PIAS1: variants seen among roughly 807,000 people sequenced by gnomAD.
PIAS1 encodes protein inhibitor of activated STAT 1.
Under a neutral mutation model 71.3 loss-of-function variants are expected in PIAS1, and 6 were observed. The observed-to-expected ratio is 0.08, with a 90% CI of 0.05 to 0.17. The LOEUF (loss-of-function observed/expected upper bound fraction) is 0.17, where lower values mean the gene tolerates loss of function less well. PIAS1 is among the 10% of genes least tolerant of loss of function. The pLI is 1.00. For synonymous variants in PIAS1, 303 were observed against 292.9 expected (o/e 1.03, Z -0.35); for missense variants, 555 against 793.6 (o/e 0.70, Z 3.61).
At chr15:68,130,064 T>C (rs2141030444) in intron 2 of PIAS1, among the ~76,000 whole-genome samples, 1 of 152,190 alleles carries the variant, frequency 6.6e-6, no homozygotes, top group East Asian at 1.9e-4. Flanking sequence ...GAAGCAATAT[T>C]TCACCATACG....
intron 1 of PIAS1, among the ~76,000 whole-genome samples, chr15:68,065,967 C>T (rs532056109): frequency 8.6e-6 from 1 of 116,330 alleles, no homozygotes; most frequent in Non-Finnish European, 1.7e-5. Context: ...TGCTGTGTTG[C>T]CCAGGCTGCT....
chr15:68,098,547 A>G (rs1204954996), intron 2 of PIAS1, among the ~76,000 whole-genome samples: 1 of 152,134 alleles, frequency 6.6e-6, no homozygotes, highest in Middle Eastern at 3.2e-3. Context: ...ATTGTTTTTA[A>G]ATTTTTAAAT....
intron 8 of PIAS1, among the ~76,000 whole-genome samples, chr15:68,168,711 A>C (rs1416008109): frequency 2.0e-5 from 3 of 152,208 alleles, no homozygotes; most frequent in Non-Finnish European, 4.4e-5. Context: ...GAATTATCAC[A>C]TAATAGTTAT....
rs1019323497 is a variant in PIAS1, at chr15:68,171,445, C to T, written c.1009-2287C>T. On this transcript the variant is annotated intron_variant, in intron 8 of 13. Transcript: ENST00000249636. This position sits in a 1 kb window ranked among gnomAD's most constrained non-coding sequence, Gnocchi z 4.4. Reference sequence around the variant, plus strand: ...GCTGTCTTAATTTGAAGACCTCTATCGTATATGCGGTTCAGTGTTGACCAA... The same window carrying T: ...GCTGTCTTAATTTGAAGACCTCTATTGTATATGCGGTTCAGTGTTGACCAA... Among the ~76,000 whole-genome samples, 3 of 152,128 alleles carry T rather than the reference C, an allele frequency of 2.0e-5. No homozygotes were observed. Among genetic ancestry groups the T allele is most frequent in the African/African-American group, 7.2e-5 (3 of 41,400 alleles).
intron 11 of PIAS1, among the ~76,000 whole-genome samples, chr15:68,179,561 G>A (rs535063489): frequency 3.3e-5 from 1 of 30,192 alleles, no homozygotes; most frequent in Non-Finnish European, 9.8e-5. Flanking sequence ...CTCGTGAAAT[G>A]TTCTTTTTTT....
At chr15:68,170,993 T>C (rs2092987806) in intron 8 of PIAS1, among the ~76,000 whole-genome samples, 1 of 152,038 alleles carries the variant, frequency 6.6e-6, no homozygotes, top group South Asian at 2.1e-4. Context: ...TTTTGACTCT[T>C]GTAATAACAA....
At chr15:68,056,200 C>G (rs571080224) in intron 1 of PIAS1, among the ~76,000 whole-genome samples, 1 of 152,354 alleles carries the variant, frequency 6.6e-6, no homozygotes, top group South Asian at 2.1e-4. Flanking sequence ...TGAATGATAG[C>G]TAATCAGTTG....
In PIAS1 at chr15:68,193,557, G is replaced by T; in HGVS notation, c.*5722G>T. ...CTTGGAAAATCTTGGAAATATGGAAGATGGTTCTAGCCCCCAAATACAGAA... is the reference window on the plus strand; with the variant it reads ...CTTGGAAAATCTTGGAAATATGGAATATGGTTCTAGCCCCCAAATACAGAA... On this transcript the variant is annotated 3_prime_UTR_variant, in exon 14 of 14. Coordinates refer to ENST00000249636, the MANE Select transcript of PIAS1 (RefSeq NM_016166.3). 6.5e-6 allele frequency: 1 copy of T among 153,994 alleles called. No homozygotes were observed. Among genetic ancestry groups the T allele is most frequent in the Non-Finnish European group, 1.4e-5 (1 of 69,222 alleles). The allele number at this position is 153,994 out of a possible 1,614,324, so 9.5% of individuals were successfully genotyped here. A position where few individuals can be genotyped will look rare whatever the true frequency, so the allele number is the denominator to read the frequency against.
intron 1 of PIAS1, among the ~76,000 whole-genome samples, chr15:68,079,222 A>G (rs2092202500): frequency 6.6e-6 from 1 of 152,178 alleles, no homozygotes; most frequent in East Asian, 1.9e-4. Flanking sequence ...AATTAATACG[A>G]TGATTACGCA....
intron 2 of PIAS1, among the ~76,000 whole-genome samples, chr15:68,131,797 A>G (rs924286682): frequency 2.6e-5 from 4 of 152,138 alleles, no homozygotes. Flanking sequence ...GGTATTTTGA[A>G]TAGTGCTGCA....
At chr15:68,127,183 G>A (rs1266357654) in intron 2 of PIAS1, among the ~76,000 whole-genome samples, 2 of 149,408 alleles carry the variant, frequency 1.3e-5, no homozygotes, top group Non-Finnish European at 3.0e-5. Context: ...CTTGACCTCC[G>A]AAAGTGCTGC....
intron 2 of PIAS1, among the ~76,000 whole-genome samples, chr15:68,121,204 C>G (rs888342534): frequency 2.7e-5 from 4 of 150,800 alleles, no homozygotes; most frequent in African/African-American, 9.7e-5. Context: ...TTTTATTTTA[C>G]CTTTGTTTTT....
chr15:68,191,850 T>G lies in PIAS1; in HGVS notation c.*4015T>G, dbSNP rs1320746272. The G allele has an allele frequency of 2.6e-5, 4 of 152,162 alleles. No homozygotes were observed. Among genetic ancestry groups the G allele is most frequent in the Non-Finnish European group, 4.4e-5 (3 of 68,030 alleles). The allele number at this position is 152,162 out of a possible 1,614,324, so 9.4% of individuals were successfully genotyped here. The stretch of plus-strand genomic sequence containing the variant: ...GTAGAGGTTTGAATCAAACACTTAA[T>G]AGGATCTTAGACTCTGGACCACTGA... On this transcript the variant is annotated 3_prime_UTR_variant, in exon 14 of 14. Transcript: ENST00000249636.
chr15:68,107,460 T>C lies in PIAS1; in HGVS notation c.469+20710T>C, dbSNP rs183814931. 3.0e-4 allele frequency among the ~76,000 whole-genome samples: 46 copies of C among 152,358 alleles called. 1 individual carries two copies. The highest frequency in any genetic ancestry group is 2.9e-3 in the Admixed American group (44 of 15,298). Reference sequence around the variant, plus strand: ...ATAAATCAATATTTACTCAAATGCCTGGAACTTCTGGTTCATCTGTTGTGA... The same window carrying C: ...ATAAATCAATATTTACTCAAATGCCCGGAACTTCTGGTTCATCTGTTGTGA... On this transcript the variant is annotated intron_variant, in intron 2 of 13. Coordinates refer to ENST00000249636, the MANE Select transcript of PIAS1 (RefSeq NM_016166.3).
intron 1 of PIAS1, among the ~76,000 whole-genome samples, chr15:68,083,800 C>G (rs1193158948): frequency 1.3e-5 from 2 of 151,062 alleles, no homozygotes; most frequent in Non-Finnish European, 2.9e-5. Flanking sequence ...CTCAGGAGGC[C>G]GAGGCAGGAT....
rs1162050543 is a variant in PIAS1 at position 68,190,759 on chromosome 15, A to T, written c.*2924A>T. 5 of 146,310 alleles carry T rather than the reference A, an allele frequency of 3.4e-5. No homozygotes were observed. In the East Asian group the frequency reaches 9.9e-4, roughly 29 times the overall value. 9.1% of individuals were successfully genotyped at this position (146,310 alleles called of 1,614,324 possible). A position where few individuals can be genotyped will look rare whatever the true frequency, so the allele number is the denominator to read the frequency against. On this transcript the variant is annotated 3_prime_UTR_variant, in exon 14 of 14. Coordinates refer to ENST00000249636, the MANE Select transcript of PIAS1 (RefSeq NM_016166.3). The surrounding 1 kb of genome is among the most constrained non-coding windows in gnomAD (Gnocchi z 4.7). Reference sequence around the variant, plus strand: ...TCGTGAGTGTTATTGGATACATCTTAAAAAAAAAAAATCTGAACCAGAACC... The same window carrying T: ...TCGTGAGTGTTATTGGATACATCTTTAAAAAAAAAAATCTGAACCAGAACC...
chr15:68,092,795 A>G (rs2092343959), intron 2 of PIAS1, among the ~76,000 whole-genome samples: 1 of 152,188 alleles, frequency 6.6e-6, no homozygotes, highest in Non-Finnish European at 1.5e-5. Flanking sequence ...CCAGACACAA[A>G]ATCTGCAGAT....
intron 1 of PIAS1, among the ~76,000 whole-genome samples, chr15:68,065,062 C>G (rs1191810659): frequency 6.6e-6 from 1 of 151,718 alleles, no homozygotes; most frequent in Non-Finnish European, 1.5e-5. Flanking sequence ...TTTTAAATGA[C>G]AAATCTTTTA....
chr15:68,135,038 G>A (rs1595754460), intron 2 of PIAS1, among the ~76,000 whole-genome samples: 1 of 46,386 alleles, frequency 2.2e-5, no homozygotes, highest in African/African-American at 4.4e-5. Context: ...TCCCAGTAGG[G>A]GCGGCCGGGC....
Sources: gnomAD v4.1 joint callset for allele counts (sites outside exome capture counted in the v4.1 genomes callset) on GRCh38, gnomAD v4.1.1 for gene constraint, Gnocchi (gnomAD v3.1) non-coding constraint, MANE v1.5 for transcripts, NCBI Gene and HGNC (gene_info 2026-07-23, HGNC 2026-07-21) for gene names.